TLK1: variants seen among roughly 807,000 people sequenced by gnomAD.
TLK1 encodes the protein serine/threonine-protein kinase tousled-like 1.
A neutral mutation model predicts 105.3 loss-of-function variants in TLK1; 24 were observed. The observed-to-expected ratio is 0.23, with a 90% CI of 0.17 to 0.32. TLK1 has a LOEUF of 0.32. TLK1 is among the 10% of genes least tolerant of loss of function. The probability of loss-of-function intolerance (pLI) is 1.00; values close to 1 mark genes in which losing one functional copy is unlikely to be tolerated. For synonymous variants in TLK1, 321 were observed against 310.4 expected (o/e 1.03, Z -0.36); for missense variants, 558 against 910.5 (o/e 0.61, Z 4.98).
At chr2:171,003,273 CAAAAAAAA>C (rs777049271) in intron 18 of TLK1, among the ~76,000 whole-genome samples, 216 of 68,488 alleles carry the variant, frequency 3.2e-3, no homozygotes, top group African/African-American at 0.016. Flanking sequence ...GACTCCGTCT[CAAAAAAAA>C]AAAAAAAAAA....
chr2:171,200,270 C>T (rs1693372219), intron 1 of TLK1, among the ~76,000 whole-genome samples: 1 of 152,146 alleles, frequency 6.6e-6, no homozygotes, highest in Non-Finnish European at 1.5e-5. Context: ...CTTCATCCTT[C>T]AAGTGCTTGT....
intron 3 of TLK1, among the ~76,000 whole-genome samples, chr2:171,074,480 T>C (rs770393216): frequency 1.2e-4 from 18 of 151,890 alleles, no homozygotes; most frequent in Non-Finnish European, 1.9e-4. Flanking sequence ...ATACAAAAAC[T>C]AACCAGGCAA....
At chr2:171,207,098 G>A (rs1314280788) in intron 1 of TLK1, among the ~76,000 whole-genome samples, 1 of 152,204 alleles carries the variant, frequency 6.6e-6, no homozygotes. Context: ...CCTGCACATG[G>A]ATGTTTATAG....
intron 1 of TLK1, among the ~76,000 whole-genome samples, chr2:171,179,627 A>G (rs913373966): frequency 1.3e-5 from 2 of 152,196 alleles, no homozygotes; most frequent in Admixed American, 6.5e-5. Flanking sequence ...TATCAATTTC[A>G]TTATTCACAA....
intron 2 of TLK1, among the ~76,000 whole-genome samples, chr2:171,108,783 A>G (rs1368081071): frequency 6.6e-6 from 1 of 151,918 alleles, no homozygotes; most frequent in Non-Finnish European, 1.5e-5. Flanking sequence ...TTTTGTAGAG[A>G]TAGGGTTTCA....
At chr2:171,044,143 C>T (rs186803776) in intron 11 of TLK1, among the ~76,000 whole-genome samples, 7 of 152,168 alleles carry the variant, frequency 4.6e-5, no homozygotes, top group Admixed American at 2.6e-4. Context: ...AAAATCTGGC[C>T]GGGTGCAGTG....
chr2:171,032,208 T>C (rs772524833), intron 11 of TLK1, among the ~76,000 whole-genome samples: 8 of 152,204 alleles, frequency 5.3e-5, no homozygotes, highest in Non-Finnish European at 8.8e-5. Context: ...ACTTTCATGA[T>C]TGCTAATCAG....
chr2:171,060,539 C>A (rs1277670027), intron 4 of TLK1, among the ~76,000 whole-genome samples: 2 of 152,006 alleles, frequency 1.3e-5, no homozygotes, highest in Non-Finnish European at 2.9e-5. Context: ...GATTTAAGAG[C>A]CCAATTTATT....
chr2:171,221,003 T>C (rs540669097), intron 1 of TLK1, among the ~76,000 whole-genome samples: 71 of 152,270 alleles, frequency 4.7e-4, no homozygotes, highest in African/African-American at 1.7e-3. Flanking sequence ...TTGGGCAAGT[T>C]GGTGAGTCCC....
At chr2:171,079,032 CTACCAGAAG>C (rs1367324356) in intron 3 of TLK1, among the ~76,000 whole-genome samples, 1 of 152,202 alleles carries the variant, frequency 6.6e-6, no homozygotes, top group Non-Finnish European at 1.5e-5. Context: ...TATAGTCCCT[CTACCAGAAG>C]TTTGAAAACC....
intron 3 of TLK1, among the ~76,000 whole-genome samples, chr2:171,073,882 C>CT (rs772186492): frequency 3.4e-5 from 1 of 29,190 alleles, no homozygotes; most frequent in Non-Finnish European, 1.2e-4. Flanking sequence ...TCCCCCCCCC[C>CT]CTCCTTTTTT....
rs1319326598 is a variant in TLK1 at position 171,130,284 on chromosome 2, C to T, written c.140-12427G>A. Reference sequence around the variant, plus strand: ...GGGCGTGGTGGCATGTGCCTGTAGTCTCAGCTACTCAGGAGGCTGAAGCAG... The same window carrying T: ...GGGCGTGGTGGCATGTGCCTGTAGTTTCAGCTACTCAGGAGGCTGAAGCAG... On this transcript the variant is annotated intron_variant, in intron 1 of 20. Transcript: ENST00000431350. 3.3e-5 allele frequency among the ~76,000 whole-genome samples: 5 copies of T among 152,192 alleles called. No homozygotes were observed. In the South Asian group the frequency reaches 1.0e-3, roughly 32 times the overall value.
Position 171,009,291 on chromosome 2 carries a change from C to CTTTTTTTTTTTT in TLK1, c.1416+2070_1416+2081dup, listed in dbSNP as rs71008743. Among the ~76,000 whole-genome samples, 52 of 74,842 alleles carry CTTTTTTTTTTTT rather than the reference C, an allele frequency of 6.9e-4. 6 individuals are homozygous for CTTTTTTTTTTTT. The highest frequency in any genetic ancestry group is 3.0e-3 in the African/African-American group (49 of 16,386). 49.1% of individuals were successfully genotyped at this position (74,842 alleles called of 152,430 possible). A position where few individuals can be genotyped will look rare whatever the true frequency, so the allele number is the denominator to read the frequency against. ...CATGCAACAGTCAGGATTTCTTTTC[C>CTTTTTTTTTTTT]TTTTTTTTTTTTTTTTTTTTTTTTT... On this transcript the variant is annotated intron_variant, in intron 14 of 20. Coordinates refer to ENST00000431350, the MANE Select transcript of TLK1 (RefSeq NM_012290.5).
chr2:171,183,544 A>G (rs1692966399), intron 1 of TLK1, among the ~76,000 whole-genome samples: 1 of 151,680 alleles, frequency 6.6e-6, no homozygotes, highest in South Asian at 2.1e-4. Flanking sequence ...TACTCTTTAT[A>G]TACTATGGAT....
chr2:171,160,631 G>A lies in TLK1; in HGVS notation c.-203C>T. 2.0e-5 allele frequency: 15 copies of A among 757,468 alleles called. No individual in the cohort carries two copies. In the South Asian group the frequency reaches 3.1e-4, roughly 16 times the overall value. The allele number at this position is 757,468 out of a possible 1,614,324, so 46.9% of individuals were successfully genotyped here. On this transcript the variant is annotated 5_prime_UTR_variant, in exon 1 of 21. Transcript: ENST00000431350. This position sits in a 1 kb window ranked among gnomAD's most constrained non-coding sequence, Gnocchi z 4.4. ...GAGGTGAGGGAAGGAGAGGGGACAG[G>A]GAGGAGGGAAAGGGGGAGAAGCGAG...
At chr2:171,034,146 T>C (rs1051672846) in intron 11 of TLK1, among the ~76,000 whole-genome samples, 5 of 152,050 alleles carry the variant, frequency 3.3e-5, no homozygotes, top group East Asian at 1.9e-4. Context: ...TGTAGAAAAA[T>C]AGGGATAATT....
chr2:171,064,866 T>C (rs1380996798), intron 3 of TLK1, among the ~76,000 whole-genome samples: 1 of 152,210 alleles, frequency 6.6e-6, no homozygotes, highest in Admixed American at 6.5e-5. Flanking sequence ...CAGTATTTTC[T>C]ACCAGTTGAA....
chr2:171,015,374 G>A (rs1685124156), intron 12 of TLK1, among the ~76,000 whole-genome samples: 1 of 147,020 alleles, frequency 6.8e-6, no homozygotes, highest in African/African-American at 2.5e-5. Flanking sequence ...AAAGAAAAAA[G>A]CAGAATGATT....
At chr2:171,057,988 A>C (rs1687582149) in intron 5 of TLK1, among the ~76,000 whole-genome samples, 163 bp downstream of exon 5, 2 of 152,122 alleles carry the variant, frequency 1.3e-5, no homozygotes, top group Admixed American at 1.3e-4. Context: ...ATCCCAATGT[A>C]AATGTAAATC....
Sources: gnomAD v4.1 joint callset for allele counts (sites outside exome capture counted in the v4.1 genomes callset) on GRCh38, gnomAD v4.1.1 for gene constraint, Gnocchi (gnomAD v3.1) non-coding constraint, MANE v1.5 for transcripts, NCBI Gene and HGNC (gene_info 2026-07-23, HGNC 2026-07-21) for gene names.